Variants in CADM1 observed in about 807,000 individuals in gnomAD.
CADM1 encodes cell adhesion molecule 1, also known as TSLC-1.
A neutral mutation model predicts 53.1 loss-of-function variants in CADM1; 15 were observed. That is an observed-to-expected ratio of 0.28 (90% CI 0.19 to 0.44). CADM1 has a LOEUF of 0.44. Among genes scored for constraint, CADM1 ranks in the 20% least tolerant of loss-of-function variants. The probability of loss-of-function intolerance (pLI) is 1.00; values close to 1 mark genes in which losing one functional copy is unlikely to be tolerated. For missense variants in CADM1, 434 were observed against 611.3 expected (o/e 0.71, Z 3.06); for synonymous variants, 281 against 243.0 (o/e 1.16, Z -1.45).
rs1472963438 is a variant in CADM1, at chr11:115,295,540, ATATATATATAAT to A, written c.125-55132_125-55121del. Among the ~76,000 whole-genome samples the A allele has an allele frequency of 8.3e-5, 5 of 60,460 alleles. No homozygotes were observed. In the East Asian group the frequency reaches 2.4e-3, roughly 29 times the overall value. The allele number at this position is 60,460 out of a possible 152,430, so 39.7% of individuals were successfully genotyped here. A position where few individuals can be genotyped will look rare whatever the true frequency, so the allele number is the denominator to read the frequency against. ...TATATATATATATATATATATATAT[ATATATATATAAT>A]ATATATGTATATGCACATATATAAT... On this transcript the variant is annotated intron_variant, in intron 1 of 11. Transcript: ENST00000331581.
intron 1 of CADM1, among the ~76,000 whole-genome samples, chr11:115,261,758 T>C (rs944246748): frequency 3.3e-5 from 5 of 152,074 alleles, no homozygotes; most frequent in Admixed American, 6.6e-5. Flanking sequence ...CTTTTTAACA[T>C]CAAAAATTTC....
At chr11:115,207,870 A>C (rs528742644) in intron 8 of CADM1, among the ~76,000 whole-genome samples, 10 of 152,304 alleles carry the variant, frequency 6.6e-5, no homozygotes, top group African/African-American at 2.2e-4. Flanking sequence ...ATTTTACACT[A>C]GTATCTAAAG....
intron 1 of CADM1, among the ~76,000 whole-genome samples, chr11:115,294,186 C>T (rs997886747): frequency 2.0e-5 from 3 of 152,124 alleles, no homozygotes; most frequent in African/African-American, 2.4e-5. Context: ...CTGGTGACCC[C>T]TACCACACCC....
chr11:115,271,184 C>A (rs1466146167), intron 1 of CADM1, among the ~76,000 whole-genome samples: 1 of 151,924 alleles, frequency 6.6e-6, no homozygotes, highest in Non-Finnish European at 1.5e-5. Context: ...AAATGGATGC[C>A]CTCTCAGGAA....
chr11:115,266,719 A>T (rs549758236), intron 1 of CADM1, among the ~76,000 whole-genome samples: 73 of 152,346 alleles, frequency 4.8e-4, no homozygotes, highest in African/African-American at 1.6e-3. Flanking sequence ...AGCTCTTTCA[A>T]ACCCAAGATA....
chr11:115,404,722 G>A (rs1432885482), intron 1 of CADM1, among the ~76,000 whole-genome samples: 1 of 151,444 alleles, frequency 6.6e-6, no homozygotes, highest in East Asian at 1.9e-4. Flanking sequence ...GCCAGGCACT[G>A]TGGTGCACGC....
intron 1 of CADM1, among the ~76,000 whole-genome samples, chr11:115,286,731 C>G (rs181213764): frequency 1.1e-3 from 165 of 152,218 alleles, no homozygotes; most frequent in African/African-American, 3.8e-3. Context: ...ACTACCTCTC[C>G]CCCCAGTTAA....
At chr11:115,208,962 T>C (rs1336544137) in intron 8 of CADM1, among the ~76,000 whole-genome samples, 1 of 152,178 alleles carries the variant, frequency 6.6e-6, no homozygotes, top group Non-Finnish European at 1.5e-5. Context: ...CCACAGTGGC[T>C]GCCTCTTCCA....
intron 1 of CADM1, among the ~76,000 whole-genome samples, chr11:115,275,639 C>G (rs1015261877): frequency 6.6e-6 from 1 of 152,018 alleles, no homozygotes; most frequent in Non-Finnish European, 1.5e-5. Flanking sequence ...ACTAGTGAAG[C>G]ATAACTAAAA....
chr11:115,221,421 G>T (rs1941401178), intron 5 of CADM1, among the ~76,000 whole-genome samples: 1 of 152,014 alleles, frequency 6.6e-6, no homozygotes, highest in Admixed American at 6.6e-5. Context: ...GGAGGCTTTA[G>T]GTCACACTAC....
At position 115,372,761 on chromosome 11, in the gene CADM1, G is replaced by A. The variant is rs118119936; in HGVS notation, c.124+131510C>T. ...GATCTATAGTCTACTCTAAGAGAGA[G>A]AAGTGATAAAATGACCAGCCAGAGT... is the stretch of plus-strand genomic sequence containing the variant. On this transcript the variant is annotated intron_variant, in intron 1 of 11. Transcript: ENST00000331581. 4.9e-3 allele frequency among the ~76,000 whole-genome samples: 749 copies of A among 152,306 alleles called. 5 individuals carry two copies. The highest frequency in any genetic ancestry group is 0.011 in the Admixed American group (162 of 15,292).
chr11:115,369,403 G>C (rs1028540345), intron 1 of CADM1, among the ~76,000 whole-genome samples: 6 of 152,092 alleles, frequency 3.9e-5, no homozygotes, highest in Non-Finnish European at 8.8e-5. Flanking sequence ...TATGAACTGG[G>C]CATGTAAGAT....
intron 9 of CADM1, among the ~76,000 whole-genome samples, chr11:115,193,215 CTAACAA>C (rs1414997824): frequency 2.6e-5 from 4 of 152,190 alleles, no homozygotes; most frequent in African/African-American, 9.7e-5. Context: ...AGACTTCACT[CTAACAA>C]TAAGTGGGAA....
intron 1 of CADM1, among the ~76,000 whole-genome samples, chr11:115,487,067 C>T (rs1259039035): frequency 6.6e-6 from 1 of 152,226 alleles, no homozygotes; most frequent in Non-Finnish European, 1.5e-5. Context: ...GGTCTTAGCC[C>T]TGATGTGCTC....
intron 5 of CADM1, among the ~76,000 whole-genome samples, chr11:115,223,322 C>T (rs955210879): frequency 1.3e-5 from 2 of 152,154 alleles, no homozygotes; most frequent in African/African-American, 4.8e-5. Context: ...TAAGTGGTGT[C>T]TTACAGGAAA....
At chr11:115,210,009 C>T (rs1015018694) in intron 7 of CADM1, among the ~76,000 whole-genome samples, 2 of 152,264 alleles carry the variant, frequency 1.3e-5, no homozygotes, top group African/African-American at 2.4e-5. Flanking sequence ...GTTGTCATTT[C>T]GTTTCAGCTT....
At chr11:115,303,271 C>T (rs1372495794) in intron 1 of CADM1, among the ~76,000 whole-genome samples, 1 of 152,086 alleles carries the variant, frequency 6.6e-6, no homozygotes, top group Middle Eastern at 3.4e-3. Context: ...TACCAGATTC[C>T]AGTATGCATG....
At chr11:115,486,075 T>C (rs948436116) in intron 1 of CADM1, among the ~76,000 whole-genome samples, 2 of 152,172 alleles carry the variant, frequency 1.3e-5, no homozygotes, top group African/African-American at 4.8e-5. Flanking sequence ...TCAATCCCCA[T>C]TCTCTAGTCA....
chr11:115,204,036 T>G (rs1940562358), intron 8 of CADM1, among the ~76,000 whole-genome samples: 1 of 152,196 alleles, frequency 6.6e-6, no homozygotes, highest in Non-Finnish European at 1.5e-5. Flanking sequence ...TTGATGAATA[T>G]TCCATAAATG....
Sources: allele counts gnomAD v4.1 joint callset (sites outside exome capture counted in the v4.1 genomes callset), GRCh38; gene constraint gnomAD v4.1.1; transcripts MANE v1.5; gene names NCBI Gene and HGNC (gene_info 2026-07-23, HGNC 2026-07-21).